The following SEMA3D variants were observed in gnomAD, a reference collection of about 807,000 sequenced individuals.
SEMA3D encodes semaphorin 3D.
In SEMA3D, 84 loss-of-function variants were observed where a neutral mutation model predicts 100.1. The ratio of observed to expected loss-of-function variants is 0.84; its 90% CI spans 0.70 to 1.01. SEMA3D has a LOEUF of 1.01. Among genes scored for constraint, SEMA3D ranks in the 50% least tolerant of loss-of-function variants. The probability of loss-of-function intolerance (pLI) is 0.00; values close to 1 mark genes in which losing one functional copy is unlikely to be tolerated. For missense variants in SEMA3D, 875 were observed against 934.1 expected, an observed-to-expected ratio of 0.94 and a Z score of 0.82; for synonymous variants, 312 against 320.7, an observed-to-expected ratio of 0.97 and a Z score of 0.29.
At chr7:85,000,301 A>G (rs1033643096) in intron 18 of SEMA3D, among the ~76,000 whole-genome samples, 4 of 152,222 alleles carry the variant, frequency 2.6e-5, no homozygotes, top group Non-Finnish European at 4.4e-5. Context: ...TATAGAACAC[A>G]TTGTATAGAA....
chr7:85,123,550 T>C (rs916181203), intron 2 of SEMA3D, among the ~76,000 whole-genome samples: 21 of 152,108 alleles, frequency 1.4e-4, no homozygotes, highest in African/African-American at 5.1e-4. Flanking sequence ...TAAATCTCAG[T>C]AGTTAAGTCA....
At chr7:85,079,797 C>T (rs1164839019) in intron 5 of SEMA3D, among the ~76,000 whole-genome samples, 1 of 152,168 alleles carries the variant, frequency 6.6e-6, no homozygotes, top group African/African-American at 2.4e-5. Context: ...AATGTTCATG[C>T]TGGTTATGCC....
the SEMA3D span, among the ~76,000 whole-genome samples, chr7:85,207,990 C>T: frequency 1.3e-5 from 2 of 151,934 alleles, no homozygotes; most frequent in African/African-American, 4.8e-5. Context: ...TGATATTGAA[C>T]ATGTCTTTCA....
At chr7:85,096,665 A>G (rs1467925042) in intron 4 of SEMA3D, among the ~76,000 whole-genome samples, 12 of 152,070 alleles carry the variant, frequency 7.9e-5, no homozygotes, top group Non-Finnish European at 1.8e-4. Context: ...AATTGACTAA[A>G]AACCAAATAT....
chr7:85,155,929 G>C (rs1391507181), intron 1 of SEMA3D, among the ~76,000 whole-genome samples: 2 of 151,906 alleles, frequency 1.3e-5, no homozygotes, highest in Non-Finnish European at 2.9e-5. Flanking sequence ...TATTTTAGCT[G>C]ATGTGCTTTT....
chr7:85,017,733 T>C (rs1416989796), intron 15 of SEMA3D, among the ~76,000 whole-genome samples: 3 of 151,852 alleles, frequency 2.0e-5, no homozygotes, highest in African/African-American at 4.8e-5. Flanking sequence ...CTTATGTGCC[T>C]GCTCTCTGTT....
intron 2 of SEMA3D, among the ~76,000 whole-genome samples, chr7:85,137,921 C>T (rs965691456): frequency 1.3e-5 from 2 of 152,156 alleles, no homozygotes; most frequent in African/African-American, 4.8e-5. Context: ...TCGAGGTCAA[C>T]ACACTCACAC....
chr7:85,217,286 T>C, the SEMA3D span, among the ~76,000 whole-genome samples: 6 of 152,028 alleles, frequency 3.9e-5, no homozygotes, highest in Admixed American at 1.3e-4. Flanking sequence ...TATGCCTGTT[T>C]CCAAGCCAGA....
chr7:85,020,092 G>T, intron 14 of SEMA3D, 141 bp downstream of exon 14: 1 of 610,480 alleles, frequency 1.6e-6, no homozygotes, highest in Non-Finnish European at 2.9e-6. Context: ...TTTTTCCACT[G>T]CTTTGGGAAA....
rs1414208879 is a variant in SEMA3D at position 84,996,349 on chromosome 7, T to G, written c.*3091A>C. 1 of 151,980 alleles carries G rather than the reference T, an allele frequency of 6.6e-6. No individual in the cohort carries two copies. Among genetic ancestry groups the G allele is most frequent in the African/African-American group, 2.4e-5 (1 of 41,432 alleles). The allele number at this position is 151,980 out of a possible 1,614,324, so 9.4% of individuals were successfully genotyped here. A position where few individuals can be genotyped will look rare whatever the true frequency, so the allele number is the denominator to read the frequency against. Reference sequence around the variant, plus strand: ...AAAGCAAAATTCAAGAGTAAGACCATTTTGTAGCCAGCATATTGTAAAGAG... The same window carrying G: ...AAAGCAAAATTCAAGAGTAAGACCAGTTTGTAGCCAGCATATTGTAAAGAG... On this transcript the variant is annotated 3_prime_UTR_variant, in exon 19 of 19. Transcript: ENST00000284136.
At chr7:85,224,396 A>G in the SEMA3D span, among the ~76,000 whole-genome samples, 541 of 152,312 alleles carry the variant, frequency 3.6e-3, 4 homozygotes, top group African/African-American at 0.013. Flanking sequence ...GATAAATGGT[A>G]GTCCAACTTG....
At chr7:85,169,041 T>A (rs1307274483) in intron 1 of SEMA3D, among the ~76,000 whole-genome samples, 2 of 151,612 alleles carry the variant, frequency 1.3e-5, no homozygotes, top group African/African-American at 4.8e-5. Flanking sequence ...ATGAGATAAA[T>A]TAGATAAAAA....
the SEMA3D span, among the ~76,000 whole-genome samples, chr7:85,237,068 A>G: frequency 4.8e-4 from 73 of 152,330 alleles, no homozygotes; most frequent in African/African-American, 1.6e-3. Flanking sequence ...GGAATTATTC[A>G]GATTTCAACA....
At position 85,015,078 on chromosome 7, in the gene SEMA3D, A is replaced by G; in HGVS notation, c.1684T>C (p.Tyr562His). 6.2e-7 allele frequency: 1 copy of G among 1,611,520 alleles called. No individual in the cohort carries two copies. The highest frequency in any genetic ancestry group is 8.5e-7 in the Non-Finnish European group (1 of 1,178,342). Reference sequence around the variant, plus strand: ...TCTTACCTTTTAGAAGTAGGAGCATATCGAGAGCATGCATTTCCATCCCAG... The same window carrying G: ...TCTTACCTTTTAGAAGTAGGAGCATGTCGAGAGCATGCATTTCCATCCCAG... ...CAWDGNACSR[Y>H]APTSKRRARR... Residue 562 changes from tyrosine (Y) to histidine (H), a missense_variant, in exon 16 of 19, where the codon TAT becomes CAT. Physicochemically the swap from Tyr to His is moderately conservative, Grantham distance 83. Coordinates refer to ENST00000284136, the MANE Select transcript of SEMA3D (RefSeq NM_001384900.1).
chr7:85,220,083 TA>T, the SEMA3D span, among the ~76,000 whole-genome samples: 1 of 152,004 alleles, frequency 6.6e-6, no homozygotes, highest in Admixed American at 6.6e-5. Flanking sequence ...ACTGTAATAA[TA>T]AAAAAATCAG....
chr7:85,027,851 T>C, intron 12 of SEMA3D: 1 of 542,212 alleles, frequency 1.8e-6, no homozygotes, highest in Non-Finnish European at 3.6e-6. Context: ...CTGCAATTGG[T>C]ATTGATCTTG....
At chr7:85,043,399 ATATT>A (rs1790917183) in intron 9 of SEMA3D, among the ~76,000 whole-genome samples, 1 of 152,056 alleles carries the variant, frequency 6.6e-6, no homozygotes, top group Non-Finnish European at 1.5e-5. Flanking sequence ...CTTTTAAAGA[ATATT>A]TATCTATATT....
intron 3 of SEMA3D, among the ~76,000 whole-genome samples, chr7:85,119,046 C>A (rs1424232558): frequency 2.7e-5 from 4 of 150,586 alleles, no homozygotes; most frequent in Admixed American, 6.6e-5. Flanking sequence ...AAATACAAAT[C>A]AAAACCACAA....
intron 1 of SEMA3D, among the ~76,000 whole-genome samples, chr7:85,171,492 T>C (rs1791080770): frequency 6.6e-6 from 1 of 151,952 alleles, no homozygotes; most frequent in Non-Finnish European, 1.5e-5. Context: ...TTGTTCCATC[T>C]TCCCTACCTG....
Sources: gnomAD v4.1 joint callset for allele counts (sites outside exome capture counted in the v4.1 genomes callset) on GRCh38, gnomAD v4.1.1 for gene constraint, MANE v1.5 for transcripts, NCBI Gene and HGNC (gene_info 2026-07-23, HGNC 2026-07-21) for gene names.